Variants in CACNA2D3 observed in about 807,000 individuals in gnomAD.
CACNA2D3 encodes the protein calcium voltage-gated channel auxiliary subunit alpha2delta 3.
In CACNA2D3, 60 loss-of-function variants were observed where a neutral mutation model predicts 160.6. The observed-to-expected ratio is 0.37, with a 90% CI of 0.30 to 0.46. The LOEUF (loss-of-function observed/expected upper bound fraction) is 0.46, where lower values mean the gene tolerates loss of function less well. CACNA2D3 is among the 20% of genes least tolerant of loss of function. CACNA2D3 has a pLI of 1.00. For synonymous variants in CACNA2D3, 558 were observed against 492.9 expected (o/e 1.13, Z -1.75); for missense variants, 1,205 against 1,365.0 (o/e 0.88, Z 1.85).
intron 27 of CACNA2D3, among the ~76,000 whole-genome samples, chr3:54,911,289 C>A (rs975132198): frequency 5.4e-5 from 8 of 149,494 alleles, no homozygotes; most frequent in Non-Finnish European, 1.0e-4. Context: ...TTCTTTTTCT[C>A]TTCTTCCTCT....
At chr3:54,296,966 A>C (rs777259689) in intron 2 of CACNA2D3, among the ~76,000 whole-genome samples, 11 of 152,198 alleles carry the variant, frequency 7.2e-5, no homozygotes, top group Non-Finnish European at 1.5e-4. Flanking sequence ...ACCTTTCTGC[A>C]TACCTCAGGG....
chr3:54,991,032 A>G (rs922116868), intron 31 of CACNA2D3, among the ~76,000 whole-genome samples: 3 of 152,142 alleles, frequency 2.0e-5, no homozygotes, highest in Non-Finnish European at 4.4e-5. Flanking sequence ...GTTCAGCAGC[A>G]TGACAGTAAT....
intron 11 of CACNA2D3, among the ~76,000 whole-genome samples, chr3:54,700,204 C>T (rs116808151): frequency 0.012 from 1,825 of 152,322 alleles, 33 homozygotes; most frequent in African/African-American, 0.042. Flanking sequence ...TTCACCTTCA[C>T]GACTCATGGA....
intron 4 of CACNA2D3, among the ~76,000 whole-genome samples, chr3:54,449,596 G>C (rs965176070): frequency 6.6e-6 from 1 of 152,092 alleles, no homozygotes; most frequent in African/African-American, 2.4e-5. Context: ...ATTGGATCAT[G>C]GGGGAGGTTT....
chr3:54,805,157 C>G lies in CACNA2D3; in HGVS notation c.1381-11696C>G, dbSNP rs957661082. Among the ~76,000 whole-genome samples the G allele has an allele frequency of 9.3e-3, 1,420 of 152,170 alleles. 20 individuals carry two copies. Among genetic ancestry groups the G allele is most frequent in the African/African-American group, 0.031 (1,279 of 41,506 alleles). On this transcript the variant is annotated intron_variant, in intron 13 of 37. Coordinates refer to ENST00000474759, the MANE Select transcript of CACNA2D3 (RefSeq NM_018398.3). ...ATTAAAAGAACTGGAAAAGCAAGAGCAAACACATTCAAAAGCTAGCAGAAG... is the reference window on the plus strand; with the variant it reads ...ATTAAAAGAACTGGAAAAGCAAGAGGAAACACATTCAAAAGCTAGCAGAAG...
At chr3:54,393,731 C>T (rs1699322746) in intron 4 of CACNA2D3, among the ~76,000 whole-genome samples, 1 of 152,224 alleles carries the variant, frequency 6.6e-6, no homozygotes, top group South Asian at 2.1e-4. Context: ...GACTGAGCAG[C>T]CACACATCCC....
intron 4 of CACNA2D3, among the ~76,000 whole-genome samples, chr3:54,480,964 C>T (rs1700923258): frequency 6.6e-6 from 1 of 152,146 alleles, no homozygotes; most frequent in Non-Finnish European, 1.5e-5. Context: ...GAGGTTATTC[C>T]TCTCTATAAT....
intron 4 of CACNA2D3, among the ~76,000 whole-genome samples, chr3:54,413,422 A>C (rs369689685): frequency 8.8e-6 from 1 of 114,230 alleles, no homozygotes. Context: ...ATATATAGAT[A>C]TCTATATATA....
In CACNA2D3 at chr3:54,659,673, A is replaced by G. The variant is rs145468038; in HGVS notation, c.1167+17432A>G. On this transcript the variant is annotated intron_variant, in intron 11 of 37. Coordinates refer to ENST00000474759, the MANE Select transcript of CACNA2D3 (RefSeq NM_018398.3). ...CTTTCAGGAAAACTGCCACGGGGAC[A>G]GAGAGAGTGACCTTGGACAGGAAAG... Among the ~76,000 whole-genome samples, 739 of 152,342 alleles carry G rather than the reference A, an allele frequency of 4.9e-3. 4 individuals are homozygous for G. The highest frequency in any genetic ancestry group is 8.3e-3 in the Non-Finnish European group (562 of 68,030).
chr3:54,990,927 T>C (rs989024050), intron 31 of CACNA2D3, among the ~76,000 whole-genome samples: 1 of 152,182 alleles, frequency 6.6e-6, no homozygotes, highest in Non-Finnish European at 1.5e-5. Context: ...AGAGGCAAAA[T>C]TGACCACTCT....
At chr3:54,646,477 C>T (rs1011740412) in intron 11 of CACNA2D3, among the ~76,000 whole-genome samples, 15 of 152,038 alleles carry the variant, frequency 9.9e-5, no homozygotes, top group African/African-American at 3.1e-4. Context: ...TTAGGTCCCA[C>T]TTATAAGTGG....
chr3:54,724,069 G>A (rs1701229409), intron 11 of CACNA2D3, among the ~76,000 whole-genome samples: 1 of 152,150 alleles, frequency 6.6e-6, no homozygotes. Context: ...AGGGATGGAG[G>A]AATTTTTACC....
At chr3:54,792,413 A>G (rs530563732) in intron 13 of CACNA2D3, among the ~76,000 whole-genome samples, 1 of 152,346 alleles carries the variant, frequency 6.6e-6, no homozygotes, top group Admixed American at 6.5e-5. Context: ...TGGCTGTGAC[A>G]GAATTCCAGG....
chr3:54,936,947 C>T (rs1701343707), intron 27 of CACNA2D3, among the ~76,000 whole-genome samples: 2 of 152,114 alleles, frequency 1.3e-5, no homozygotes, highest in Admixed American at 1.3e-4. Context: ...TTTATAAGTT[C>T]CTATCCATGG....
intron 9 of CACNA2D3, among the ~76,000 whole-genome samples, chr3:54,622,998 T>G (rs61364726): frequency 0.034 from 5,244 of 152,244 alleles, 296 homozygotes; most frequent in African/African-American, 0.12. Context: ...AAGAGGAAGA[T>G]CATTTTAATG....
chr3:54,676,256 T>C (rs898898847), intron 11 of CACNA2D3, among the ~76,000 whole-genome samples: 2 of 152,224 alleles, frequency 1.3e-5, no homozygotes, highest in African/African-American at 4.8e-5. Flanking sequence ...ACATTGAAAC[T>C]GAAATGGCAA....
At chr3:54,688,260 T>A (rs1291459142) in intron 11 of CACNA2D3, among the ~76,000 whole-genome samples, 1 of 152,216 alleles carries the variant, frequency 6.6e-6, no homozygotes, top group African/African-American at 2.4e-5. Flanking sequence ...TCTCCCAAAT[T>A]ACCTACTGAT....
At chr3:54,243,387 A>G (rs1381966011) in intron 2 of CACNA2D3, among the ~76,000 whole-genome samples, 1 of 151,928 alleles carries the variant, frequency 6.6e-6, no homozygotes, top group African/African-American at 2.4e-5. Context: ...TATTTTCAGC[A>G]CTCTTTGTTT....
At chr3:54,978,499 T>C (rs1702438352) in intron 29 of CACNA2D3, among the ~76,000 whole-genome samples, 1 of 152,224 alleles carries the variant, frequency 6.6e-6, no homozygotes, top group Non-Finnish European at 1.5e-5. Context: ...TGACAAAAGA[T>C]GATATCTAGA....
Sources: allele counts gnomAD v4.1 joint callset (sites outside exome capture counted in the v4.1 genomes callset), GRCh38; gene constraint gnomAD v4.1.1; transcripts MANE v1.5; gene names NCBI Gene and HGNC (gene_info 2026-07-23, HGNC 2026-07-21).